ARID4A: variants seen among roughly 807,000 people sequenced by gnomAD.
The protein encoded by ARID4A is AT-rich interactive domain-containing protein 4A.
Under a neutral mutation model 148.6 loss-of-function variants are expected in ARID4A, and 39 were observed. That is an observed-to-expected ratio of 0.26 (90% confidence interval 0.20 to 0.34). ARID4A has a LOEUF of 0.34. Among genes scored for constraint, ARID4A ranks in the 10% least tolerant of loss-of-function variants. ARID4A has a pLI of 1.00. For synonymous variants in ARID4A, 475 were observed against 481.2 expected (o/e 0.99, Z 0.17); for missense variants, 1,265 against 1,449.1 (o/e 0.87, Z 2.06).
intron 11 of ARID4A, among the ~76,000 whole-genome samples, chr14:58,338,428 A>C (rs1361019069): frequency 1.3e-5 from 2 of 151,968 alleles, no homozygotes; most frequent in African/African-American, 4.8e-5. Context: ...CTTCTGATGT[A>C]CTCCTTGCAG....
intron 7 of ARID4A, among the ~76,000 whole-genome samples, chr14:58,320,753 G>A (rs2032829989): frequency 1.3e-5 from 2 of 151,930 alleles, no homozygotes; most frequent in South Asian, 2.1e-4. Context: ...GACTACAGTC[G>A]TCCACCACGA....
intron 23 of ARID4A, among the ~76,000 whole-genome samples, chr14:58,371,055 T>C (rs1042835418): frequency 2.6e-5 from 4 of 152,134 alleles, no homozygotes; most frequent in Admixed American, 1.3e-4. Context: ...TTTGGGAGGC[T>C]GGAGCAGGAA....
chr14:58,365,177 G>C lies in ARID4A; in HGVS notation c.3088G>C (p.Asp1030His). 2.5e-6 allele frequency: 4 copies of C among 1,614,126 alleles called. No individual in the cohort carries two copies. Among genetic ancestry groups the C allele is most frequent in the Non-Finnish European group, 2.5e-6 (3 of 1,179,996 alleles). ...TGAGAGTGATATAACGATTGAAGTT[G>C]ATAGTATTGCTGAAGAATCTCAAGA... ...KSESDITIEVDSIAEESQEGL... is the reference protein window; with the variant it reads ...KSESDITIEVHSIAEESQEGL... The change falls in exon 20 of 24, where the codon GAT becomes CAT. Residue 1030 changes from aspartate to histidine, a missense_variant. Physicochemically the swap from Asp to His is moderately conservative, Grantham distance 81. Transcript: ENST00000355431.
intron 20 of ARID4A, 44 bp from the exon 21 acceptor site, chr14:58,365,467 CTTTTTTT>C (rs71107938): frequency 8.8e-5 from 31 of 351,504 alleles, no homozygotes; most frequent in Middle Eastern, 7.5e-4. Flanking sequence ...TATACTTGCT[CTTTTTTT>C]TTTTTTTTTT....
rs766154468 is a variant in ARID4A at position 58,365,182 on chromosome 14, T to C, written c.3093T>C (p.Ser1031=). 3 of 1,614,126 alleles carry C rather than the reference T, an allele frequency of 1.9e-6. No individual in the cohort carries two copies. The highest frequency in any genetic ancestry group is 2.5e-6 in the Non-Finnish European group (3 of 1,180,002). The change falls in exon 20 of 24, where the codon AGT becomes AGC. Residue 1031 remains serine, a synonymous_variant. Transcript: ENST00000355431. ...SESDITIEVD[S]IAEESQEGLC... is the part of the protein sequence containing the mutation. Reference sequence around the variant, plus strand: ...GTGATATAACGATTGAAGTTGATAGTATTGCTGAAGAATCTCAAGAAGGTC... The same window carrying C: ...GTGATATAACGATTGAAGTTGATAGCATTGCTGAAGAATCTCAAGAAGGTC...
chr14:58,353,743 G>A lies in ARID4A; in HGVS notation c.1741G>A (p.Val581Ile), dbSNP rs1401464235. 1 of 1,613,932 alleles carries A rather than the reference G, an allele frequency of 6.2e-7. No individual in the cohort carries two copies. The highest frequency in any genetic ancestry group is 1.3e-5 in the African/African-American group (1 of 74,916). The change falls in exon 17 of 24, where the codon GTA becomes ATA. Residue 581 changes from valine to isoleucine, a missense_variant. Physicochemically the swap from Val to Ile is conservative, Grantham distance 29. This residue lies in a region of ARID4A where 30 missense variants were observed against 65.7 expected (regional missense o/e 0.46). Coordinates refer to ENST00000355431, the MANE Select transcript of ARID4A (RefSeq NM_002892.4). Reference protein sequence around the residue: ...EPCLTGTKVKVKYGRGKTQKI... With the variant: ...EPCLTGTKVKIKYGRGKTQKI... ...CTGCCTAACAGGAACCAAAGTGAAA[G>A]TAAAATATGGACGAGGGAAGACTCA...
rs868130649 is a variant in ARID4A, at chr14:58,364,788, T to C, written c.2699T>C (p.Phe900Ser). ...TCTGAGGGAATGAAAAACTTAAATTTTGAACAGCACTTTGAAAGAGAAAAT... is the reference window on the plus strand; with the variant it reads ...TCTGAGGGAATGAAAAACTTAAATTCTGAACAGCACTTTGAAAGAGAAAAT... Reference protein sequence around the residue: ...IGSEGMKNLNFEQHFERENEG... With the variant: ...IGSEGMKNLNSEQHFERENEG... The change falls in exon 20 of 24, where the codon TTT becomes TCT. Residue 900 changes from phenylalanine to serine, a missense_variant. Physicochemically the swap from Phe to Ser is radical, Grantham distance 155 (BLOSUM62 -2). Transcript: ENST00000355431. 3 of 1,614,092 alleles carry C rather than the reference T, an allele frequency of 1.9e-6. No homozygotes were observed. The highest frequency in any genetic ancestry group is 1.3e-5 in the African/African-American group (1 of 75,036).
At chr14:58,354,071 A>G (rs559110498) in intron 17 of ARID4A, among the ~76,000 whole-genome samples, 1 of 152,286 alleles carries the variant, frequency 6.6e-6, no homozygotes, top group African/African-American at 2.4e-5. Context: ...AGTTAGAACA[A>G]GTTACATTTA....
rs778951108 is a variant in ARID4A, at chr14:58,366,041, G to A, written c.3334G>A (p.Glu1112Lys). 7 of 1,612,578 alleles carry A rather than the reference G, an allele frequency of 4.3e-6. No homozygotes were observed. The South Asian group carries it at 7.7e-5, about 18-fold the overall frequency. ...ATTTATAGGACAAAGCAGTGATAGT[G>A]AAGATCTTCCTGTCCTAGACAATTC... ...KNGTGQSSDS[E>K]DLPVLDNSSK... The change falls in exon 22 of 24, where the codon GAA (glutamate) becomes AAA (lysine). Residue 1112 changes from glutamate (E) to lysine (K), a missense_variant. By Grantham distance (56) the Glu-to-Lys change is moderately conservative. Transcript: ENST00000355431.
At chr14:58,338,524 C>A (rs576337340) in intron 11 of ARID4A, among the ~76,000 whole-genome samples, 1 of 152,094 alleles carries the variant, frequency 6.6e-6, no homozygotes, top group African/African-American at 2.4e-5. Context: ...TCAGGGGATT[C>A]TTCCTGCTGC....
chr14:58,323,108 G>A (rs2033005892), intron 7 of ARID4A, among the ~76,000 whole-genome samples: 2 of 149,656 alleles, frequency 1.3e-5, no homozygotes, highest in Non-Finnish European at 3.0e-5. Context: ...TAGCCAGTTA[G>A]AAAATTAAAG....
intron 7 of ARID4A, among the ~76,000 whole-genome samples, chr14:58,320,437 T>C (rs1446797121): frequency 1.3e-5 from 2 of 152,122 alleles, no homozygotes; most frequent in Non-Finnish European, 2.9e-5. Context: ...GGTTAATATT[T>C]CAAACTTTGT....
At chr14:58,356,946 G>A (rs368835962) in intron 17 of ARID4A, among the ~76,000 whole-genome samples, 4 of 152,030 alleles carry the variant, frequency 2.6e-5, no homozygotes, top group African/African-American at 7.2e-5. Context: ...GTGATCGCCC[G>A]CCTCGGCCTC....
intron 7 of ARID4A, among the ~76,000 whole-genome samples, chr14:58,319,432 A>G (rs1251711837): frequency 5.4e-5 from 8 of 147,468 alleles, no homozygotes. Flanking sequence ...AAGTGAGTAT[A>G]TGTTTTTTAT....
chr14:58,318,825 G>A lies in ARID4A; in HGVS notation c.449+20G>A, dbSNP rs1280498803. On this transcript the variant is annotated intron_variant, in intron 7 of 23. Transcript: ENST00000355431. ...TCCTGTGTGAGTTTTTTCATATATG[G>A]TATCATTTTAATTACAATTATTATA... 6.4e-7 allele frequency: 1 copy of A among 1,572,300 alleles called. No homozygotes were observed. The highest frequency in any genetic ancestry group is 1.4e-5 in the African/African-American group (1 of 73,700).
At chr14:58,368,160 GA>G (rs1262508655) in intron 23 of ARID4A, among the ~76,000 whole-genome samples, 11 of 152,166 alleles carry the variant, frequency 7.2e-5, no homozygotes, top group African/African-American at 2.7e-4. Context: ...TGAGGGTAAT[GA>G]TTAAGTGCTA....
intron 15 of ARID4A, among the ~76,000 whole-genome samples, chr14:58,348,414 A>G (rs1685165741): frequency 6.6e-6 from 1 of 152,236 alleles, no homozygotes; most frequent in Non-Finnish European, 1.5e-5. Context: ...TGTTGAATAA[A>G]TGAATCACCT....
At chr14:58,311,642 T>A (rs1433679729) in intron 5 of ARID4A, among the ~76,000 whole-genome samples, 1 of 152,172 alleles carries the variant, frequency 6.6e-6, no homozygotes, top group Non-Finnish European at 1.5e-5. Context: ...ATTCCCATGT[T>A]TATTGCAGCA....
At chr14:58,327,279 T>C (rs571092766) in intron 8 of ARID4A, among the ~76,000 whole-genome samples, 1 of 152,236 alleles carries the variant, frequency 6.6e-6, no homozygotes, top group South Asian at 2.1e-4. Context: ...CTGTGAATGG[T>C]GCTGGAATGT....
Sources: gnomAD v4.1 joint callset for allele counts (sites outside exome capture counted in the v4.1 genomes callset) on GRCh38, gnomAD v4.1.1 for gene constraint, gnomAD v4.1.1 regional missense constraint, MANE v1.5 for transcripts, NCBI Gene and HGNC (gene_info 2026-07-23, HGNC 2026-07-21) for gene names.